The following LRBA variants were observed in gnomAD, a reference collection of about 807,000 sequenced individuals.
LRBA encodes LPS responsive beige-like anchor protein, also known as lipopolysaccharide-responsive and beige-like anchor protein.
In LRBA, 176 loss-of-function variants were observed where a neutral mutation model predicts 330.0. The observed-to-expected ratio is 0.53, with a 90% CI of 0.47 to 0.60. The LOEUF (loss-of-function observed/expected upper bound fraction) is 0.60, where lower values mean the gene tolerates loss of function less well. LRBA is among the 20% of genes least tolerant of loss of function. The pLI, the probability that LRBA is intolerant of heterozygous loss-of-function variation, is 0.00. For missense variants in LRBA, 3,259 were observed against 3,444.8 expected, an observed-to-expected ratio of 0.95 and a Z score of 1.35; for synonymous variants, 1,230 against 1,193.0, an observed-to-expected ratio of 1.03 and a Z score of -0.64.
chr4:151,004,857 G>A (rs1050084526), intron 2 of LRBA, among the ~76,000 whole-genome samples: 1 of 152,064 alleles, frequency 6.6e-6, no homozygotes, highest in Admixed American at 6.6e-5. Context: ...ATGGCGGCAT[G>A]AGCCTTGTAA....
intron 48 of LRBA, among the ~76,000 whole-genome samples, chr4:150,327,743 T>C (rs552520831): frequency 6.6e-6 from 1 of 152,350 alleles, no homozygotes; most frequent in South Asian, 2.1e-4. Context: ...GCACAGTACC[T>C]AGCACATACA....
At chr4:150,435,760 T>C in intron 45 of LRBA, 52 bp from the exon 46 acceptor site, 2 of 1,499,350 alleles carry the variant, frequency 1.3e-6, no homozygotes, top group Non-Finnish European at 1.8e-6. Flanking sequence ...CATAAAAATG[T>C]GGTTTTTATA....
intron 2 of LRBA, among the ~76,000 whole-genome samples, chr4:150,933,236 A>C (rs140150608): frequency 0.022 from 3,380 of 151,974 alleles, 111 homozygotes; most frequent in African/African-American, 0.077. Flanking sequence ...AAAAATACAA[A>C]AATTAGCCAG....
chr4:150,663,725 A>C (rs1050849619), intron 37 of LRBA, among the ~76,000 whole-genome samples: 4 of 152,182 alleles, frequency 2.6e-5, no homozygotes, highest in African/African-American at 4.8e-5. Flanking sequence ...CTCTACAAGT[A>C]CTTTATAGTA....
chr4:150,630,359 G>A (rs756657905), intron 37 of LRBA, among the ~76,000 whole-genome samples: 6 of 152,172 alleles, frequency 3.9e-5, no homozygotes, highest in Non-Finnish European at 8.8e-5. Context: ...ATCCCTTACA[G>A]CAGCGATGCC....
chr4:150,415,802 T>A (rs1747653684), intron 46 of LRBA, among the ~76,000 whole-genome samples: 2 of 152,178 alleles, frequency 1.3e-5, no homozygotes, highest in Admixed American at 6.5e-5. Context: ...CTGGTATAAA[T>A]AACTTTCATA....
At chr4:150,881,965 A>G (rs1553990055) in intron 17 of LRBA, among the ~76,000 whole-genome samples, 1 of 152,136 alleles carries the variant, frequency 6.6e-6, no homozygotes, top group Non-Finnish European at 1.5e-5. Context: ...ACATGCCTGT[A>G]ATCCCAGCTA....
intron 22 of LRBA, among the ~76,000 whole-genome samples, chr4:150,860,979 T>A (rs1751849050): frequency 1.3e-5 from 2 of 152,166 alleles, no homozygotes. Flanking sequence ...ATACCTAGAC[T>A]CTATGGTATA....
chr4:150,913,899 A>G (rs1226671621), intron 9 of LRBA, among the ~76,000 whole-genome samples: 1 of 152,208 alleles, frequency 6.6e-6, no homozygotes, highest in Non-Finnish European at 1.5e-5. Context: ...TTAGGTGTAT[A>G]TATTTATGGG....
intron 15 of LRBA, 24 bp from the exon 16 acceptor site, chr4:150,896,480 C>A: frequency 8.0e-7 from 1 of 1,246,212 alleles, no homozygotes; most frequent in Non-Finnish European, 1.1e-6. Flanking sequence ...ATACAGGTAT[C>A]TTACGTTTAC....
At chr4:150,356,305 G>T (rs750298416) in intron 47 of LRBA, among the ~76,000 whole-genome samples, 1 of 151,964 alleles carries the variant, frequency 6.6e-6, no homozygotes, top group Non-Finnish European at 1.5e-5. Context: ...GCCACTTTGC[G>T]GAAAGCTATT....
At chr4:150,887,943 G>A (rs1445211713) in intron 17 of LRBA, among the ~76,000 whole-genome samples, 1 of 152,010 alleles carries the variant, frequency 6.6e-6, no homozygotes. Flanking sequence ...AACTGCTTAA[G>A]CCCAGGAGTT....
At chr4:150,399,575 C>T (rs1745195631) in intron 47 of LRBA, among the ~76,000 whole-genome samples, 1 of 152,140 alleles carries the variant, frequency 6.6e-6, no homozygotes, top group Non-Finnish European at 1.5e-5. Flanking sequence ...CACTAACATG[C>T]TAGCTGTTAA....
At chr4:150,665,756 G>T (rs1326710915) in intron 37 of LRBA, among the ~76,000 whole-genome samples, 1 of 152,108 alleles carries the variant, frequency 6.6e-6, no homozygotes, top group Admixed American at 6.5e-5. Flanking sequence ...CTAAATAATA[G>T]TCTACTATGG....
chr4:150,419,232 A>G (rs1482041029), intron 46 of LRBA, among the ~76,000 whole-genome samples: 1 of 152,164 alleles, frequency 6.6e-6, no homozygotes, highest in African/African-American at 2.4e-5. Flanking sequence ...TAGTGGCCCC[A>G]TGCATGGTGC....
intron 2 of LRBA, among the ~76,000 whole-genome samples, chr4:150,930,943 TC>T (rs1319191659): frequency 6.6e-6 from 1 of 152,200 alleles, no homozygotes; most frequent in Non-Finnish European, 1.5e-5. Context: ...TCCCTAGTCC[TC>T]CTGGATAAAC....
intron 22 of LRBA, among the ~76,000 whole-genome samples, chr4:150,862,161 C>T (rs1752024156): frequency 6.6e-6 from 1 of 152,060 alleles, no homozygotes; most frequent in Non-Finnish European, 1.5e-5. Context: ...ACCATTTGAC[C>T]CAGCCATCCC....
At chr4:150,976,040 C>A (rs1302908563) in intron 2 of LRBA, among the ~76,000 whole-genome samples, 1 of 151,678 alleles carries the variant, frequency 6.6e-6, no homozygotes, top group East Asian at 1.9e-4. Flanking sequence ...CTGGGCGTGG[C>A]AGCACACACC....
intron 40 of LRBA, among the ~76,000 whole-genome samples, chr4:150,497,644 GT>G (rs2152113454): frequency 6.6e-6 from 1 of 152,062 alleles, no homozygotes; most frequent in Non-Finnish European, 1.5e-5. Context: ...TTACTCTAAT[GT>G]TCTACTTGGC....
Sources: gnomAD v4.1 joint callset for allele counts (sites outside exome capture counted in the v4.1 genomes callset) on GRCh38, gnomAD v4.1.1 for gene constraint, MANE v1.5 for transcripts, NCBI Gene and HGNC (gene_info 2026-07-23, HGNC 2026-07-21) for gene names.